The following NAV2 variants were observed in gnomAD, a reference collection of about 807,000 sequenced individuals.
NAV2 encodes neuron navigator 2, also known as helicase, APC down-regulated 1.
Under a neutral mutation model 223.2 loss-of-function variants are expected in NAV2, and 54 were observed. That is an observed-to-expected ratio of 0.24 (90% CI 0.19 to 0.30). The LOEUF (loss-of-function observed/expected upper bound fraction) is 0.30, where lower values mean the gene tolerates loss of function less well. NAV2 is among the 10% of genes least tolerant of loss of function. The pLI is 1.00. For missense variants in NAV2, 2,806 were observed against 3,147.5 expected, an observed-to-expected ratio of 0.89 and a Z score of 2.60; for synonymous variants, 1,279 against 1,239.3, an observed-to-expected ratio of 1.03 and a Z score of -0.67.
At chr11:19,627,209 G>A (rs147123035) in intron 1 of NAV2, among the ~76,000 whole-genome samples, 21 of 152,252 alleles carry the variant, frequency 1.4e-4, no homozygotes, top group African/African-American at 4.1e-4. Flanking sequence ...CCAACATGGC[G>A]AAACCCCGTC....
rs749386261 is a variant in NAV2 at position 19,939,718 on chromosome 11, C to T, written c.2091C>T (p.Ser697=). 28 of 1,613,980 alleles carry T rather than the reference C, an allele frequency of 1.7e-5. No individual in the cohort carries two copies. The highest frequency in any genetic ancestry group is 2.2e-5 in the Non-Finnish European group (26 of 1,180,016). ...CCGAGTCAAGCTCAACAGGTGTGAG[C>T]GTGGAGCCCAGCCACTTCACCAAGA... ...VTAESSSTGV[S]VEPSHFTKTG... is the part of the protein sequence containing the mutation. Residue 697 remains serine, a synonymous_variant, in exon 8 of 38, where the codon AGC becomes AGT. Coordinates refer to ENST00000349880, the MANE Select transcript of NAV2 (RefSeq NM_145117.5).
intron 1 of NAV2, among the ~76,000 whole-genome samples, chr11:19,382,846 A>G (rs2702698): frequency 0.046 from 7,006 of 152,296 alleles, 535 homozygotes; most frequent in African/African-American, 0.16. Context: ...TGACAGAGGC[A>G]GAACTTGAAC....
At chr11:20,109,304 A>C (rs1312883001) in intron 36 of NAV2, among the ~76,000 whole-genome samples, 1 of 152,200 alleles carries the variant, frequency 6.6e-6, no homozygotes, top group Non-Finnish European at 1.5e-5. Flanking sequence ...GCAGGAAAAA[A>C]GCAAGAAATT....
intron 1 of NAV2, among the ~76,000 whole-genome samples, chr11:19,825,415 T>A (rs1240649454): frequency 6.7e-6 from 1 of 149,972 alleles, no homozygotes; most frequent in Non-Finnish European, 1.5e-5. Context: ...CCACTGGAAA[T>A]GCCTCAGATG....
In NAV2 at chr11:20,049,916, G is replaced by T; in HGVS notation, c.4436+15G>T. The T allele has an allele frequency of 1.2e-6, 2 of 1,613,594 alleles. No individual in the cohort carries two copies. The highest frequency in any genetic ancestry group is 1.7e-6 in the Non-Finnish European group (2 of 1,179,508). On this transcript the variant is annotated intron_variant, in intron 16 of 37. Transcript: ENST00000349880. ...AAACAGGACAGGTAATGACATTGCA[G>T]GCCGGGGACCAACCGAGCCTCTAGG...
chr11:19,678,467 C>T (rs1472289941), intron 1 of NAV2, among the ~76,000 whole-genome samples: 1 of 152,176 alleles, frequency 6.6e-6, no homozygotes, highest in Non-Finnish European at 1.5e-5. Flanking sequence ...GGGTCAAGAG[C>T]TTAACCCTGT....
At chr11:19,691,029 T>G (rs1222858573) in intron 1 of NAV2, among the ~76,000 whole-genome samples, 2 of 152,210 alleles carry the variant, frequency 1.3e-5, no homozygotes, top group East Asian at 3.8e-4. Flanking sequence ...CTGAAACTTT[T>G]TTGTACAAGT....
chr11:19,706,665 C>T (rs925136412), intron 1 of NAV2, among the ~76,000 whole-genome samples: 4 of 152,200 alleles, frequency 2.6e-5, no homozygotes, highest in Non-Finnish European at 5.9e-5. Flanking sequence ...TTATTCTTAT[C>T]TGCTCTCCAT....
intron 1 of NAV2, among the ~76,000 whole-genome samples, chr11:19,553,236 A>C (rs1466384617): frequency 3.3e-5 from 5 of 152,192 alleles, no homozygotes; most frequent in African/African-American, 1.2e-4. Context: ...AGAAAGCCCC[A>C]AAATTCCTGG....
At chr11:19,596,037 G>A (rs560827016) in intron 1 of NAV2, among the ~76,000 whole-genome samples, 8 of 152,228 alleles carry the variant, frequency 5.3e-5, no homozygotes, top group South Asian at 2.1e-4. Flanking sequence ...TATTAATCAC[G>A]TTATTTTAAA....
At chr11:19,807,192 G>T (rs529949489) in intron 1 of NAV2, among the ~76,000 whole-genome samples, 1 of 152,158 alleles carries the variant, frequency 6.6e-6, no homozygotes. Flanking sequence ...AAATCCCATG[G>T]TCATGATAAT....
intron 1 of NAV2, chr11:19,714,406 C>G (rs1447335540): frequency 4.3e-6 from 2 of 461,796 alleles, no homozygotes; most frequent in Admixed American, 4.7e-5. Flanking sequence ...TTCGACGCCC[C>G]CTAGCCTGGC....
chr11:20,114,406 C>T, intron 36 of NAV2, 186 bp from the exon 37 acceptor site: 1 of 616,570 alleles, frequency 1.6e-6, no homozygotes, highest in African/African-American at 1.8e-5. Flanking sequence ...GTCATGCTGC[C>T]TTCAGCCTTA....
At chr11:19,894,226 T>G (rs2041763401) in intron 6 of NAV2, among the ~76,000 whole-genome samples, 1 of 152,178 alleles carries the variant, frequency 6.6e-6, no homozygotes, top group Non-Finnish European at 1.5e-5. Flanking sequence ...GAGTTGAATT[T>G]GAACCCAGGC....
intron 1 of NAV2, among the ~76,000 whole-genome samples, chr11:19,698,901 C>T (rs192833883): frequency 3.9e-5 from 6 of 152,252 alleles, no homozygotes; most frequent in Admixed American, 3.9e-4. Flanking sequence ...TAGAGGATTC[C>T]AGACATTCTG....
chr11:19,869,076 C>A, intron 4 of NAV2, 79 bp downstream of exon 4: 1 of 1,345,636 alleles, frequency 7.4e-7, no homozygotes, highest in Non-Finnish European at 1.1e-6. Context: ...GATATTAACA[C>A]CATTATGACA....
intron 1 of NAV2, among the ~76,000 whole-genome samples, chr11:19,756,122 C>T (rs373880074): frequency 2.6e-5 from 4 of 152,226 alleles, no homozygotes; most frequent in East Asian, 3.9e-4. Context: ...TTCTATGGGA[C>T]GGGATGGGGG....
chr11:19,575,623 G>A (rs750069966), intron 1 of NAV2, among the ~76,000 whole-genome samples: 3 of 152,170 alleles, frequency 2.0e-5, no homozygotes, highest in Non-Finnish European at 2.9e-5. Flanking sequence ...ACACCCCTGG[G>A]GAAATTCACC....
intron 1 of NAV2, among the ~76,000 whole-genome samples, chr11:19,551,740 G>GC (rs1554962218): frequency 5.3e-5 from 8 of 152,038 alleles, no homozygotes; most frequent in Non-Finnish European, 1.0e-4. Flanking sequence ...AGTGGTGGGG[G>GC]AAAAAATGGT....
Sources: allele counts gnomAD v4.1 joint callset (sites outside exome capture counted in the v4.1 genomes callset), GRCh38; gene constraint gnomAD v4.1.1; transcripts MANE v1.5; gene names NCBI Gene and HGNC (gene_info 2026-07-23, HGNC 2026-07-21).